Variants in KLHL18 observed in about 807,000 individuals in gnomAD.
The protein encoded by KLHL18 is kelch like family member 18.
A neutral mutation model predicts 58.5 loss-of-function variants in KLHL18; 38 were observed. That is an observed-to-expected ratio of 0.65 (90% confidence interval 0.50 to 0.85). The LOEUF (loss-of-function observed/expected upper bound fraction) is 0.85. Among genes scored for constraint, KLHL18 ranks in the 40% least tolerant of loss-of-function variants. KLHL18 has a pLI of 0.00. For missense variants in KLHL18, 624 were observed against 778.4 expected (o/e 0.80, Z 2.36); for synonymous variants, 303 against 301.9 (o/e 1.00, Z -0.04).
intron 1 of KLHL18, among the ~76,000 whole-genome samples, chr3:47,302,296 C>G (rs1438111221): frequency 5.9e-5 from 9 of 152,090 alleles, no homozygotes; most frequent in African/African-American, 1.9e-4. Context: ...ACCATTCTGG[C>G]CAACATGGCG....
chr3:47,302,377 C>T (rs978555321), intron 1 of KLHL18, among the ~76,000 whole-genome samples: 10 of 152,230 alleles, frequency 6.6e-5, no homozygotes, highest in African/African-American at 1.9e-4. Context: ...CCCAGCTACT[C>T]AGGAGCCTGA....
Position 47,344,617 on chromosome 3 carries a change from T to C in KLHL18, c.*676T>C, listed in dbSNP as rs1704188090. 1 of 152,486 alleles carries C rather than the reference T, an allele frequency of 6.6e-6. No individual in the cohort carries two copies. The highest frequency in any genetic ancestry group is 2.1e-4 in the South Asian group (1 of 4,822). 9.4% of individuals were successfully genotyped at this position (152,486 alleles called of 1,614,324 possible). A position where few individuals can be genotyped will look rare whatever the true frequency, so the allele number is the denominator to read the frequency against. On this transcript the variant is annotated 3_prime_UTR_variant, in exon 10 of 10. Transcript: ENST00000232766. ...GGAAAAAAAGATACTTGAAAGAAAC[T>C]GAAGGAAATTTAAACAAAGAAACAC...
intron 3 of KLHL18, among the ~76,000 whole-genome samples, chr3:47,326,814 G>A (rs1388408918): frequency 6.6e-6 from 1 of 152,026 alleles, no homozygotes; most frequent in Non-Finnish European, 1.5e-5. Flanking sequence ...CCAGCTACTC[G>A]GGAGGGTGAG....
chr3:47,298,287 A>T (rs295445), intron 1 of KLHL18, among the ~76,000 whole-genome samples: 12 of 149,368 alleles, frequency 8.0e-5, no homozygotes, highest in Non-Finnish European at 1.2e-4. Context: ...CCCAGGAGTT[A>T]GAGGCTGCGG....
At chr3:47,320,802 TCAGCTA>T (rs1703567366) in intron 2 of KLHL18, among the ~76,000 whole-genome samples, 1 of 152,100 alleles carries the variant, frequency 6.6e-6, no homozygotes, top group South Asian at 2.1e-4. Flanking sequence ...ACCTGTAGTC[TCAGCTA>T]CTTAGAAAGC....
chr3:47,340,458 C>A, intron 7 of KLHL18, 114 bp from the exon 8 acceptor site: 1 of 1,501,056 alleles, frequency 6.7e-7, no homozygotes, highest in Non-Finnish European at 9.1e-7. Context: ...TAGTCACATA[C>A]CTTAGATTTA....
intron 1 of KLHL18, among the ~76,000 whole-genome samples, chr3:47,312,773 A>G (rs1703332360): frequency 6.6e-6 from 1 of 152,098 alleles, no homozygotes; most frequent in Admixed American, 6.5e-5. Flanking sequence ...TCAAACTCCT[A>G]GTAGCTGAGA....
chr3:47,323,740 A>G (rs1420370863), intron 3 of KLHL18, among the ~76,000 whole-genome samples: 1 of 152,128 alleles, frequency 6.6e-6, no homozygotes, highest in Non-Finnish European at 1.5e-5. Flanking sequence ...TGCTTCACAC[A>G]CCCAGCCTTC....
intron 1 of KLHL18, among the ~76,000 whole-genome samples, chr3:47,318,343 A>G (rs1224833544): frequency 1.3e-5 from 2 of 152,174 alleles, no homozygotes; most frequent in Non-Finnish European, 2.9e-5. Context: ...TCTTCTTCAT[A>G]TGGGCCTCTC....
At chr3:47,319,825 G>GC in intron 2 of KLHL18, 42 bp downstream of exon 2, 1 of 1,607,174 alleles carries the variant, frequency 6.2e-7, no homozygotes, top group Non-Finnish European at 8.5e-7. Flanking sequence ...TGCTTTCCAA[G>GC]TGCAGTTTCA....
chr3:47,314,987 CTGTT>C (rs1469499217), intron 1 of KLHL18, among the ~76,000 whole-genome samples: 11 of 152,138 alleles, frequency 7.2e-5, no homozygotes. Flanking sequence ...CTTTTGTCTT[CTGTT>C]TATTTTCTAG....
rs151018964 is a variant in KLHL18 at position 47,288,153 on chromosome 3, G to A, written c.129+5059G>A. The stretch of plus-strand genomic sequence containing the variant: ...GCAGAATCGCTTGAACCTGGGAGGC[G>A]GAGGTTGCAGTGAGCCAAGATCACG... On this transcript the variant is annotated intron_variant, in intron 1 of 9. Coordinates refer to ENST00000232766, the MANE Select transcript of KLHL18 (RefSeq NM_025010.5). Among the ~76,000 whole-genome samples the A allele has an allele frequency of 5.0e-3, 747 of 150,700 alleles. 8 individuals are homozygous for A. Among genetic ancestry groups the A allele is most frequent in the African/African-American group, 0.017 (709 of 40,802 alleles).
intron 7 of KLHL18, chr3:47,338,374 G>A (rs999368068): frequency 2.0e-5 from 3 of 152,188 alleles, no homozygotes; most frequent in Non-Finnish European, 2.9e-5. Flanking sequence ...TCCGTATCCA[G>A]AAGGATAGTG....
At chr3:47,317,176 G>A (rs1371854163) in intron 1 of KLHL18, among the ~76,000 whole-genome samples, 1 of 152,042 alleles carries the variant, frequency 6.6e-6, no homozygotes, top group Non-Finnish European at 1.5e-5. Context: ...GCAGTGGTAC[G>A]GTGTCTGCTC....
chr3:47,287,498 T>C (rs546672726), intron 1 of KLHL18: 1 of 152,282 alleles, frequency 6.6e-6, no homozygotes, highest in African/African-American at 2.4e-5. Context: ...TTTCTCTCTT[T>C]TTTTTGAGAC....
intron 1 of KLHL18, among the ~76,000 whole-genome samples, chr3:47,305,520 T>C (rs1398463527): frequency 1.3e-5 from 2 of 152,032 alleles, no homozygotes; most frequent in Non-Finnish European, 2.9e-5. Flanking sequence ...TGCTGATATT[T>C]TGTTAAGGAT....
intron 1 of KLHL18, among the ~76,000 whole-genome samples, chr3:47,291,720 C>T (rs1476293552): frequency 6.6e-6 from 1 of 152,154 alleles, no homozygotes; most frequent in African/African-American, 2.4e-5. Context: ...ATTGCTCTAG[C>T]ATATACTTCT....
intron 1 of KLHL18, among the ~76,000 whole-genome samples, chr3:47,298,353 T>TAA (rs36006254): frequency 0.56 from 66,191 of 118,156 alleles, 18,968 homozygotes; most frequent in African/African-American, 0.59. Context: ...ATCCTGTCTC[T>TAA]AAAAAAAAAA....
intron 3 of KLHL18, among the ~76,000 whole-genome samples, chr3:47,328,231 TTAGC>T (rs940494443): frequency 2.0e-5 from 3 of 151,314 alleles, no homozygotes; most frequent in African/African-American, 7.3e-5. Context: ...TTTTTTTTAA[TTAGC>T]TAGGTGTGTG....
Sources: gnomAD v4.1 joint callset for allele counts (sites outside exome capture counted in the v4.1 genomes callset) on GRCh38, gnomAD v4.1.1 for gene constraint, MANE v1.5 for transcripts, NCBI Gene and HGNC (gene_info 2026-07-23, HGNC 2026-07-21) for gene names.